DENND4C: variants seen among roughly 807,000 people sequenced by gnomAD.
DENND4C encodes the protein DENN domain-containing protein 4C.
Under a neutral mutation model 203.0 loss-of-function variants are expected in DENND4C, and 108 were observed. The ratio of observed to expected loss-of-function variants is 0.53; its 90% CI spans 0.46 to 0.62. The LOEUF is 0.62. Among genes scored for constraint, DENND4C ranks in the 20% least tolerant of loss-of-function variants. The pLI, the probability that DENND4C is intolerant of heterozygous loss-of-function variation, is 0.00. For synonymous variants in DENND4C, 871 were observed against 792.4 expected, an observed-to-expected ratio of 1.10 and a Z score of -1.67; for missense variants, 2,481 against 2,301.2, an observed-to-expected ratio of 1.08 and a Z score of -1.60.
intron 7 of DENND4C, among the ~76,000 whole-genome samples, chr9:19,298,364 A>G (rs7851658): frequency 0.93 from 141,981 of 152,216 alleles, 66,302 homozygotes; most frequent in East Asian, 1. Flanking sequence ...CCCATGCATG[A>G]CCTTTATGTA....
intron 1 of DENND4C, among the ~76,000 whole-genome samples, chr9:19,250,700 G>A (rs917490137): frequency 1.4e-4 from 21 of 152,334 alleles, no homozygotes; most frequent in African/African-American, 4.6e-4. Context: ...TCAAATGGGA[G>A]AAATTGGCCA....
intron 30 of DENND4C, among the ~76,000 whole-genome samples, chr9:19,364,914 A>G (rs1469108354): frequency 6.6e-6 from 1 of 151,612 alleles, no homozygotes; most frequent in Non-Finnish European, 1.5e-5. Flanking sequence ...AGAAAACGAA[A>G]AAAAAAGAAA....
chr9:19,299,298 G>A lies in DENND4C; in HGVS notation c.1166+11G>A, dbSNP rs1838078739. ...ACCTTTACCACTAAGGTAATTACTG[G>A]TATTTAAAATGATATATTTATTCAG... On this transcript the variant is annotated intron_variant, in intron 8 of 32. Coordinates refer to ENST00000434457, the MANE Select transcript of DENND4C (RefSeq NM_001330640.2). 2 of 1,539,510 alleles carry A rather than the reference G, an allele frequency of 1.3e-6. No homozygotes were observed. The highest frequency in any genetic ancestry group is 1.3e-5 in the South Asian group (1 of 79,170).
intron 4 of DENND4C, 48 bp from the exon 5 acceptor site, chr9:19,290,656 G>A (rs762066006): frequency 2.4e-6 from 3 of 1,268,684 alleles, no homozygotes; most frequent in Non-Finnish European, 2.0e-6. Flanking sequence ...TGCAATTTAT[G>A]GAAAAGTAAC....
chr9:19,323,305 C>T (rs1457295418), intron 12 of DENND4C, among the ~76,000 whole-genome samples: 1 of 152,016 alleles, frequency 6.6e-6, no homozygotes, highest in Non-Finnish European at 1.5e-5. Context: ...TGATGGGCAC[C>T]TGTAATCCCA....
At chr9:19,235,306 A>G (rs1821661216) in intron 1 of DENND4C, among the ~76,000 whole-genome samples, 1 of 152,198 alleles carries the variant, frequency 6.6e-6, no homozygotes, top group South Asian at 2.1e-4. Flanking sequence ...GCAGTGGATC[A>G]TTAGGGCTGC....
intron 30 of DENND4C, among the ~76,000 whole-genome samples, chr9:19,365,038 C>G (rs1407184861): frequency 1.3e-5 from 2 of 152,150 alleles, no homozygotes; most frequent in Non-Finnish European, 2.9e-5. Context: ...AGAGCACTCT[C>G]AAAAACAGTG....
At chr9:19,305,143 A>T in intron 9 of DENND4C, among the ~76,000 whole-genome samples, 1 of 152,112 alleles carries the variant, frequency 6.6e-6, no homozygotes, top group Non-Finnish European at 1.5e-5. Context: ...TGTGCTTATG[A>T]TCATCGTCAT....
intron 1 of DENND4C, among the ~76,000 whole-genome samples, chr9:19,245,681 C>A (rs918385433): frequency 6.6e-6 from 1 of 151,972 alleles, no homozygotes; most frequent in Non-Finnish European, 1.5e-5. Flanking sequence ...GTGGTGAAAC[C>A]CCGTCTCTAC....
chr9:19,231,821 G>C (rs1027062640), intron 1 of DENND4C, among the ~76,000 whole-genome samples: 1 of 151,710 alleles, frequency 6.6e-6, no homozygotes, highest in African/African-American at 2.4e-5. Context: ...CACTGAGCCT[G>C]CTTAATTGTG....
intron 1 of DENND4C, among the ~76,000 whole-genome samples, chr9:19,250,514 C>G (rs955399898): frequency 2.0e-4 from 30 of 152,040 alleles, no homozygotes; most frequent in African/African-American, 7.0e-4. Context: ...AAACGTGAGT[C>G]GCTGCACCCG....
At chr9:19,354,078 T>G (rs1824804892) in intron 26 of DENND4C, among the ~76,000 whole-genome samples, 1 of 152,232 alleles carries the variant, frequency 6.6e-6, no homozygotes, top group Admixed American at 6.5e-5. Context: ...ACACTGACTC[T>G]GCTAAGTGTG....
chr9:19,235,590 TGG>T, intron 1 of DENND4C, among the ~76,000 whole-genome samples: 2 of 150,408 alleles, frequency 1.3e-5, no homozygotes. Context: ...TATTATCTGT[TGG>T]TTTACAGAAG....
chr9:19,235,998 C>CT (rs529627672), intron 1 of DENND4C, among the ~76,000 whole-genome samples: 209 of 145,714 alleles, frequency 1.4e-3, no homozygotes, highest in Middle Eastern at 7.1e-3. Flanking sequence ...GTTTTTATTT[C>CT]TTTTTTTTTT....
chr9:19,287,476 G>T (rs926328109), intron 3 of DENND4C, among the ~76,000 whole-genome samples: 2 of 150,940 alleles, frequency 1.3e-5, no homozygotes, highest in Non-Finnish European at 3.0e-5. Flanking sequence ...CCCCCACCAG[G>T]CTCAAGTGAT....
intron 12 of DENND4C, among the ~76,000 whole-genome samples, chr9:19,318,222 G>A: frequency 6.6e-6 from 1 of 152,162 alleles, no homozygotes; most frequent in Non-Finnish European, 1.5e-5. Flanking sequence ...GGGAGGCTAA[G>A]GGAGGAGAAT....
intron 16 of DENND4C, among the ~76,000 whole-genome samples, chr9:19,330,512 G>A (rs186723526): frequency 4.6e-5 from 7 of 151,520 alleles, no homozygotes; most frequent in African/African-American, 1.5e-4. Flanking sequence ...ACTAATTTTT[G>A]TATTTTTAGT....
chr9:19,259,069 A>ACTTCAAGTGTTTAT (rs1236290544), intron 1 of DENND4C, among the ~76,000 whole-genome samples: 1 of 152,134 alleles, frequency 6.6e-6, no homozygotes, highest in Non-Finnish European at 1.5e-5. Flanking sequence ...AGTATCCATC[A>ACTTCAAGTGTTTAT]CTTCAAGTGT....
intron 16 of DENND4C, among the ~76,000 whole-genome samples, chr9:19,329,621 C>T (rs980004102): frequency 1.3e-5 from 2 of 152,148 alleles, no homozygotes; most frequent in African/African-American, 4.8e-5. Flanking sequence ...GAGGCACTTC[C>T]AGGCTGTTTT....
Sources: allele counts gnomAD v4.1 joint callset (sites outside exome capture counted in the v4.1 genomes callset), GRCh38; gene constraint gnomAD v4.1.1; transcripts MANE v1.5; gene names NCBI Gene and HGNC (gene_info 2026-07-23, HGNC 2026-07-21).